The following ATXN1 variants were observed in gnomAD, a reference collection of about 807,000 sequenced individuals.
The protein encoded by ATXN1 is ataxin 1.
A neutral mutation model predicts 56.4 loss-of-function variants in ATXN1; 8 were observed. That is an observed-to-expected ratio of 0.14 (90% CI 0.08 to 0.26). The LOEUF (loss-of-function observed/expected upper bound fraction) is 0.26. ATXN1 is among the 10% of genes least tolerant of loss of function. The probability of loss-of-function intolerance (pLI) is 1.00; values close to 1 mark genes in which losing one functional copy is unlikely to be tolerated. For missense variants in ATXN1, 987 were observed against 1,106.5 expected, an observed-to-expected ratio of 0.89 and a Z score of 1.53; for synonymous variants, 514 against 494.6, an observed-to-expected ratio of 1.04 and a Z score of -0.52.
At chr6:16,559,817 G>A (rs1486624510) in intron 4 of ATXN1, among the ~76,000 whole-genome samples, 3 of 152,050 alleles carry the variant, frequency 2.0e-5, no homozygotes, top group Non-Finnish European at 4.4e-5. Flanking sequence ...AAAGTACGTG[G>A]TCTAATTTTG....
At chr6:16,531,609 G>A (rs1761505374) in intron 4 of ATXN1, among the ~76,000 whole-genome samples, 1 of 144,924 alleles carries the variant, frequency 6.9e-6, no homozygotes, top group African/African-American at 2.5e-5. Context: ...GGAAACAAGA[G>A]CGAAACTGTG....
At chr6:16,431,158 G>A (rs536563765) in intron 6 of ATXN1, among the ~76,000 whole-genome samples, 2 of 152,256 alleles carry the variant, frequency 1.3e-5, no homozygotes, top group East Asian at 1.9e-4. Context: ...AGGAGCAGGA[G>A]CGTAGATAGG....
chr6:16,524,118 C>A (rs1468249726), intron 4 of ATXN1, among the ~76,000 whole-genome samples: 2 of 152,118 alleles, frequency 1.3e-5, no homozygotes, highest in Non-Finnish European at 2.9e-5. Context: ...GGCCGGCCAC[C>A]AGGGCAGGAT....
chr6:16,742,344 G>T (rs1257528064), intron 2 of ATXN1, among the ~76,000 whole-genome samples: 1 of 152,174 alleles, frequency 6.6e-6, no homozygotes, highest in Non-Finnish European at 1.5e-5. Context: ...GGGTTGCAGT[G>T]ACCCAGGCAG....
intron 3 of ATXN1, among the ~76,000 whole-genome samples, chr6:16,611,072 C>G (rs1368930974): frequency 2.0e-5 from 3 of 151,996 alleles, no homozygotes; most frequent in Non-Finnish European, 2.9e-5. Context: ...ATATAACAAA[C>G]AACTGAATAT....
chr6:16,361,066 T>A (rs1240981631), intron 6 of ATXN1, among the ~76,000 whole-genome samples: 2 of 152,234 alleles, frequency 1.3e-5, no homozygotes, highest in African/African-American at 4.8e-5. Flanking sequence ...TTATTTTAGC[T>A]AATGAAAATG....
In ATXN1 at chr6:16,760,260, C is replaced by T. The variant is rs1426523060; in HGVS notation, c.-730+1038G>A. The stretch of plus-strand genomic sequence containing the variant: ...CCGCGGCGGCCGCCGCCTCCTCCTC[C>T]TTCCCCTCCTCCTGGCTTCATTCAC... On this transcript the variant is annotated intron_variant, in intron 1 of 7. Transcript: ENST00000436367. This position sits in a 1 kb window ranked among gnomAD's most constrained non-coding sequence, Gnocchi z 5.3. Among the ~76,000 whole-genome samples, 4 of 151,964 alleles carry T rather than the reference C, an allele frequency of 2.6e-5. No homozygotes were observed. The highest frequency in any genetic ancestry group is 4.8e-5 in the African/African-American group (2 of 41,394).
chr6:16,740,025 C>A, intron 2 of ATXN1: 1 of 359,018 alleles, frequency 2.8e-6, no homozygotes, highest in Admixed American at 3.1e-5. Flanking sequence ...TTGAGGAGGG[C>A]ACCTAAGAGA....
chr6:16,696,434 G>A (rs981993970), intron 2 of ATXN1, among the ~76,000 whole-genome samples: 6 of 152,148 alleles, frequency 3.9e-5, no homozygotes, highest in Admixed American at 2.6e-4. Flanking sequence ...TCACTATATA[G>A]TAGCACTCTA....
chr6:16,434,103 G>A (rs1476656362), intron 6 of ATXN1, among the ~76,000 whole-genome samples: 1 of 152,050 alleles, frequency 6.6e-6, no homozygotes, highest in East Asian at 1.9e-4. Context: ...AATATTTGTG[G>A]GTTCATCCTT....
chr6:16,374,117 C>T (rs1050216045), intron 6 of ATXN1, among the ~76,000 whole-genome samples: 1 of 136,476 alleles, frequency 7.3e-6, no homozygotes, highest in Non-Finnish European at 1.5e-5. Context: ...CGAATTATAC[C>T]AGAAGCTTTT....
chr6:16,375,981 C>T (rs1281027055), intron 6 of ATXN1, among the ~76,000 whole-genome samples: 1 of 152,258 alleles, frequency 6.6e-6, no homozygotes, highest in Non-Finnish European at 1.5e-5. Context: ...ATGCTATCCA[C>T]AAGCCCTGGG....
At chr6:16,534,069 T>A (rs1411950683) in intron 4 of ATXN1, among the ~76,000 whole-genome samples, 1 of 152,128 alleles carries the variant, frequency 6.6e-6, no homozygotes, top group Non-Finnish European at 1.5e-5. Context: ...ATAAATCCTA[T>A]GACCACATAT....
intron 4 of ATXN1, among the ~76,000 whole-genome samples, chr6:16,540,609 C>A (rs1761695983): frequency 6.6e-6 from 1 of 152,134 alleles, no homozygotes; most frequent in African/African-American, 2.4e-5. Flanking sequence ...GGTAAAGTGC[C>A]TGAAGTCACA....
At chr6:16,351,747 TCCAACAGAAGGGAAA>T (rs1292250492) in intron 6 of ATXN1, among the ~76,000 whole-genome samples, 3 of 152,136 alleles carry the variant, frequency 2.0e-5, no homozygotes, top group Admixed American at 6.6e-5. Context: ...GTAATGTAAT[TCCAACAGAAGGGAAA>T]CCAGGCCTCC....
intron 2 of ATXN1, among the ~76,000 whole-genome samples, chr6:16,706,326 T>C (rs901880789): frequency 6.6e-6 from 1 of 152,138 alleles, no homozygotes; most frequent in African/African-American, 2.4e-5. Context: ...TTAGCCTCAA[T>C]ACCTAGAGCA....
At chr6:16,513,009 G>A (rs923006996) in intron 5 of ATXN1, among the ~76,000 whole-genome samples, 2 of 152,216 alleles carry the variant, frequency 1.3e-5, no homozygotes, top group African/African-American at 2.4e-5. Flanking sequence ...GGCTTTCTAA[G>A]TAAAATATCT....
chr6:16,553,904 G>A (rs1761965154), intron 4 of ATXN1, among the ~76,000 whole-genome samples: 1 of 152,158 alleles, frequency 6.6e-6, no homozygotes, highest in South Asian at 2.1e-4. Context: ...CTTAAAATAG[G>A]GAAAGCTTTG....
In ATXN1 at chr6:16,469,960, C is replaced by CA. The variant is rs5874559; in HGVS notation, c.-161+16011dup. ...GGGCAACAAGAGCAAAACTCTGTCT[C>CA]AAAAAAAAAAAAAAGAAAAAGAGAG... On this transcript the variant is annotated intron_variant, in intron 6 of 7. Transcript: ENST00000436367. Among the ~76,000 whole-genome samples the CA allele has an allele frequency of 5.8e-4, 81 of 138,880 alleles. No homozygotes were observed. In the East Asian group the frequency reaches 0.012, roughly 20 times the overall value. 91.1% of individuals were successfully genotyped at this position (138,880 alleles called of 152,430 possible). A position where few individuals can be genotyped will look rare whatever the true frequency, so the allele number is the denominator to read the frequency against.
Sources: allele counts gnomAD v4.1 joint callset (sites outside exome capture counted in the v4.1 genomes callset), GRCh38; gene constraint gnomAD v4.1.1; non-coding constraint Gnocchi (gnomAD v3.1); transcripts MANE v1.5; gene names NCBI Gene and HGNC (gene_info 2026-07-23, HGNC 2026-07-21).